Variants in MACROD2 observed in about 807,000 individuals in gnomAD.
MACROD2 encodes mono-ADP ribosylhydrolase 2, also known as ADP-ribose glycohydrolase MACROD2.
A neutral mutation model predicts 70.4 loss-of-function variants in MACROD2; 36 were observed. The observed-to-expected ratio is 0.51, with a 90% CI of 0.39 to 0.68. The LOEUF is 0.68. Ranked by LOEUF, MACROD2 falls within the 30% of genes least tolerant of loss-of-function variation. MACROD2 has a pLI of 0.00. For missense variants in MACROD2, 496 were observed against 538.4 expected (o/e 0.92, Z 0.78); for synonymous variants, 172 against 178.8 (o/e 0.96, Z 0.30).
rs149455310 is a variant in MACROD2, at chr20:14,670,729, C to A, written c.302-14114C>A. The stretch of plus-strand genomic sequence containing the variant: ...ATTTTTTAAAGAAAACAACTGTTTT[C>A]TCTCATTGAATGAGAAGTAGTTCAG... On this transcript the variant is annotated intron_variant, in intron 4 of 17. Coordinates refer to ENST00000684519, the MANE Select transcript of MACROD2 (RefSeq NM_001351661.2). Among the ~76,000 whole-genome samples, 280 of 152,232 alleles carry A rather than the reference C, an allele frequency of 1.8e-3. 1 individual carries two copies. The highest frequency in any genetic ancestry group is 6.5e-3 in the African/African-American group (269 of 41,550).
intron 15 of MACROD2, among the ~76,000 whole-genome samples, chr20:16,012,343 A>C (rs1409807607): frequency 6.6e-6 from 1 of 152,136 alleles, no homozygotes; most frequent in Non-Finnish European, 1.5e-5. Flanking sequence ...CTGCTTCTAC[A>C]TTGGTGGTTC....
intron 8 of MACROD2, among the ~76,000 whole-genome samples, chr20:15,742,353 A>G (rs1413030532): frequency 1.3e-5 from 2 of 152,216 alleles, no homozygotes; most frequent in Admixed American, 6.5e-5. Flanking sequence ...AATTAAGGCA[A>G]TTATCAGCAT....
At chr20:15,376,645 A>G (rs1568759927) in intron 6 of MACROD2, among the ~76,000 whole-genome samples, 1 of 152,168 alleles carries the variant, frequency 6.6e-6, no homozygotes, top group African/African-American at 2.4e-5. Flanking sequence ...TACTACAAAA[A>G]TTACTTCTAA....
chr20:16,027,791 G>T (rs2067100444), intron 15 of MACROD2, among the ~76,000 whole-genome samples: 1 of 152,120 alleles, frequency 6.6e-6, no homozygotes, highest in African/African-American at 2.4e-5. Context: ...AGCCACAAAA[G>T]GTGCATGATG....
At chr20:15,879,249 CTG>C (rs1345115907) in intron 9 of MACROD2, among the ~76,000 whole-genome samples, 1 of 152,126 alleles carries the variant, frequency 6.6e-6, no homozygotes, top group Non-Finnish European at 1.5e-5. Context: ...GGCTGCAACT[CTG>C]TGCCCATGCT....
chr20:15,152,653 A>G (rs201498248), intron 5 of MACROD2, among the ~76,000 whole-genome samples: 1 of 134,522 alleles, frequency 7.4e-6, no homozygotes, highest in African/African-American at 2.8e-5. Flanking sequence ...GACACAGAGA[A>G]GGGGTTGGGG....
At chr20:15,930,207 A>G (rs1048216879) in intron 10 of MACROD2, among the ~76,000 whole-genome samples, 2 of 152,148 alleles carry the variant, frequency 1.3e-5, no homozygotes, top group African/African-American at 4.8e-5. Flanking sequence ...TTCATTGTTT[A>G]TGTGCTTCCT....
intron 6 of MACROD2, chr20:15,280,917 G>A (rs1157944393): frequency 1.3e-5 from 2 of 152,224 alleles, no homozygotes; most frequent in Non-Finnish European, 2.9e-5. Context: ...CTAAGACTGG[G>A]TAATTGATAA....
chr20:14,402,104 TTA>T (rs2083643793), intron 3 of MACROD2, among the ~76,000 whole-genome samples: 1 of 152,196 alleles, frequency 6.6e-6, no homozygotes, highest in Non-Finnish European at 1.5e-5. Flanking sequence ...TATAGTTCAA[TTA>T]TAAGTGTATG....
rs527557407 is a variant in MACROD2, at chr20:14,145,549, T to G, written c.271+59821T>G. ...ATGTCCTGGGGAATATCAGAAACAC[T>G]AGTTTTCTAGTGTTTTCTTACTGGT... On this transcript the variant is annotated intron_variant, in intron 3 of 17. Coordinates refer to ENST00000684519, the MANE Select transcript of MACROD2 (RefSeq NM_001351661.2). Among the ~76,000 whole-genome samples, 204 of 152,352 alleles carry G rather than the reference T, an allele frequency of 1.3e-3. 1 individual carries two copies. Among genetic ancestry groups the G allele is most frequent in the African/African-American group, 4.7e-3 (196 of 41,592 alleles).
chr20:14,770,343 G>A (rs2072148521), intron 5 of MACROD2, among the ~76,000 whole-genome samples: 1 of 151,972 alleles, frequency 6.6e-6, no homozygotes, highest in Non-Finnish European at 1.5e-5. Context: ...GAGGGAGGTG[G>A]TAGAAATTGA....
chr20:14,565,359 A>T lies in MACROD2; in HGVS notation c.301+71851A>T, dbSNP rs550527126. ...AATCTATAAAAATGTAAAAAAAAAAATTTTTTTTTAAAACGTAACACTTTC... is the reference window on the plus strand; with the variant it reads ...AATCTATAAAAATGTAAAAAAAAAATTTTTTTTTTAAAACGTAACACTTTC... On this transcript the variant is annotated intron_variant, in intron 4 of 17. Transcript: ENST00000684519. Among the ~76,000 whole-genome samples the T allele has an allele frequency of 7.3e-5, 11 of 150,656 alleles. No individual in the cohort carries two copies. In the South Asian group the frequency reaches 1.3e-3, roughly 17 times the overall value.
At chr20:14,864,063 C>T (rs889457031) in intron 5 of MACROD2, among the ~76,000 whole-genome samples, 1 of 151,976 alleles carries the variant, frequency 6.6e-6, no homozygotes, top group Admixed American at 6.6e-5. Context: ...CTTTCTTTTC[C>T]CTTAGGTGTC....
At chr20:15,514,736 A>G (rs2047544523) in intron 8 of MACROD2, among the ~76,000 whole-genome samples, 1 of 152,238 alleles carries the variant, frequency 6.6e-6, no homozygotes, top group Admixed American at 6.5e-5. Context: ...TTTAATTATC[A>G]CAAAGATGCT....
chr20:15,745,269 A>G (rs2143552), intron 8 of MACROD2, among the ~76,000 whole-genome samples: 71,918 of 151,956 alleles, frequency 0.47, 18,571 homozygotes, highest in African/African-American at 0.69. Context: ...TGGAATTGTT[A>G]GGTCATAGGT....
chr20:15,591,186 A>G (rs2048675161), intron 8 of MACROD2, among the ~76,000 whole-genome samples: 1 of 152,148 alleles, frequency 6.6e-6, no homozygotes, highest in South Asian at 2.1e-4. Context: ...TGGGCCTCAG[A>G]CAGAGAGAAT....
At chr20:15,112,950 C>CTGTGTGTG (rs11467446) in intron 5 of MACROD2, among the ~76,000 whole-genome samples, 68 of 146,108 alleles carry the variant, frequency 4.7e-4, no homozygotes, top group South Asian at 2.6e-3. Context: ...TAATATTTCA[C>CTGTGTGTG]TGTGTGTGTG....
chr20:14,008,158 G>T (rs1048756141), intron 2 of MACROD2, among the ~76,000 whole-genome samples: 1 of 152,102 alleles, frequency 6.6e-6, no homozygotes, highest in Non-Finnish European at 1.5e-5. Context: ...AGCGTATTCA[G>T]CTAGAAAGAG....
chr20:15,096,498 T>TACGTATTTATATATATAAATATATATGAG (rs2075833715), intron 5 of MACROD2, among the ~76,000 whole-genome samples: 1 of 137,376 alleles, frequency 7.3e-6, no homozygotes. Context: ...ATATATATAA[T>TACGTATTTATATATATAAATATATATGAG]ATATGTTTTT....
Sources: gnomAD v4.1 joint callset for allele counts (sites outside exome capture counted in the v4.1 genomes callset) on GRCh38, gnomAD v4.1.1 for gene constraint, MANE v1.5 for transcripts, NCBI Gene and HGNC (gene_info 2026-07-23, HGNC 2026-07-21) for gene names.